Variants in PDE3A observed in about 807,000 individuals in gnomAD.
PDE3A encodes cGMP-inhibited 3',5'-cyclic phosphodiesterase 3A.
In PDE3A, 43 loss-of-function variants were observed where a neutral mutation model predicts 98.3. The ratio of observed to expected loss-of-function variants is 0.44; its 90% CI spans 0.34 to 0.56. PDE3A has a LOEUF of 0.56. Among genes scored for constraint, PDE3A ranks in the 20% least tolerant of loss-of-function variants. The pLI, the probability that PDE3A is intolerant of heterozygous loss-of-function variation, is 0.01. For missense variants in PDE3A, 1,427 were observed against 1,440.7 expected, an observed-to-expected ratio of 0.99 and a Z score of 0.15; for synonymous variants, 663 against 567.9, an observed-to-expected ratio of 1.17 and a Z score of -2.38.
intron 1 of PDE3A, among the ~76,000 whole-genome samples, chr12:20,513,287 A>C (rs1195282826): frequency 6.6e-6 from 1 of 152,194 alleles, no homozygotes; most frequent in Non-Finnish European, 1.5e-5. Context: ...GTACGTTAGA[A>C]ATATTTGTGG....
intron 1 of PDE3A, among the ~76,000 whole-genome samples, chr12:20,515,167 A>T (rs1200539753): frequency 6.6e-6 from 1 of 152,228 alleles, no homozygotes; most frequent in African/African-American, 2.4e-5. Context: ...TTAAATTTCA[A>T]CGTAAGTTTG....
chr12:20,652,184 T>C (rs924509427), intron 14 of PDE3A, among the ~76,000 whole-genome samples: 4 of 152,202 alleles, frequency 2.6e-5, no homozygotes, highest in Non-Finnish European at 5.9e-5. Context: ...GACATTTGGG[T>C]TGGTTCCAAG....
Position 20,485,057 on chromosome 12 carries a change from G to A in PDE3A, c.961-71603G>A, listed in dbSNP as rs988093604. 3.9e-5 allele frequency among the ~76,000 whole-genome samples: 6 copies of A among 152,224 alleles called. No individual in the cohort carries two copies. In the South Asian group the frequency reaches 1.0e-3, roughly 26 times the overall value. On this transcript the variant is annotated intron_variant, in intron 1 of 15. Transcript: ENST00000359062. ...ATTAGACAATGAAATGTCAATTTTT[G>A]TATTAGTTTCCTGGGGCTGTTGTCA... is the stretch of plus-strand genomic sequence containing the variant.
rs78749270 is a variant in PDE3A, at chr12:20,516,576, T to A, written c.961-40084T>A. On this transcript the variant is annotated intron_variant, in intron 1 of 15. Coordinates refer to ENST00000359062, the MANE Select transcript of PDE3A (RefSeq NM_000921.5). ...TTGTGCTGGATCATTTCTTTCAGGG[T>A]ATGGCATTCTCAAGTTATTTTCTAA... 3.3e-5 allele frequency among the ~76,000 whole-genome samples: 5 copies of A among 152,262 alleles called. No individual in the cohort carries two copies. The East Asian group carries it at 9.7e-4, about 29-fold the overall frequency.
chr12:20,625,502 C>T (rs4315134), intron 5 of PDE3A, among the ~76,000 whole-genome samples: 50,840 of 151,812 alleles, frequency 0.33, 8,587 homozygotes, highest in Admixed American at 0.39. Flanking sequence ...TGTGATTCTT[C>T]TTCTTTGGCA....
At chr12:20,454,761 A>G (rs1232528232) in intron 1 of PDE3A, among the ~76,000 whole-genome samples, 1 of 152,162 alleles carries the variant, frequency 6.6e-6, no homozygotes, top group Non-Finnish European at 1.5e-5. Context: ...TTTGCTAAGG[A>G]TAATGGCCAG....
At chr12:20,394,278 G>T (rs1390756470) in intron 1 of PDE3A, among the ~76,000 whole-genome samples, 1 of 152,030 alleles carries the variant, frequency 6.6e-6, no homozygotes, top group African/African-American at 2.4e-5. Context: ...AGAAAGTTAG[G>T]TTTCATTTTT....
chr12:20,498,346 G>A (rs1945961392), intron 1 of PDE3A, among the ~76,000 whole-genome samples: 1 of 151,868 alleles, frequency 6.6e-6, no homozygotes, highest in Non-Finnish European at 1.5e-5. Context: ...TACATCCATG[G>A]ATTCAACCAA....
intron 1 of PDE3A, among the ~76,000 whole-genome samples, chr12:20,414,504 A>G (rs150572935): frequency 6.6e-6 from 1 of 152,348 alleles, no homozygotes; most frequent in Non-Finnish European, 1.5e-5. Context: ...AATACAATTC[A>G]GCTTCCTATT....
chr12:20,590,950 C>A (rs559660435), intron 2 of PDE3A, among the ~76,000 whole-genome samples: 2 of 152,282 alleles, frequency 1.3e-5, no homozygotes, highest in East Asian at 3.9e-4. Flanking sequence ...AGCTCCCTGT[C>A]CACTTCGAAA....
chr12:20,449,074 T>C (rs11045252), intron 1 of PDE3A, among the ~76,000 whole-genome samples: 42,633 of 152,090 alleles, frequency 0.28, 7,330 homozygotes, highest in East Asian at 0.66. Flanking sequence ...AGCAATGCCG[T>C]AGCTAAAAAA....
At chr12:20,596,977 T>C (rs1294272797) in intron 2 of PDE3A, among the ~76,000 whole-genome samples, 1 of 152,162 alleles carries the variant, frequency 6.6e-6, no homozygotes, top group Non-Finnish European at 1.5e-5. Flanking sequence ...GCATTGTGAA[T>C]AGCGTAGGGC....
chr12:20,492,771 C>T (rs528386306), intron 1 of PDE3A, among the ~76,000 whole-genome samples: 13 of 152,222 alleles, frequency 8.5e-5, no homozygotes, highest in African/African-American at 3.1e-4. Context: ...TCCACACTCA[C>T]TGATGGTTAC....
chr12:20,587,096 G>A (rs979608231), intron 2 of PDE3A, among the ~76,000 whole-genome samples: 10 of 152,120 alleles, frequency 6.6e-5, no homozygotes, highest in South Asian at 2.1e-4. Context: ...TCTGCTGGGC[G>A]CAGTGGCTCA....
intron 1 of PDE3A, among the ~76,000 whole-genome samples, chr12:20,507,385 G>A (rs939660807): frequency 2.0e-5 from 3 of 151,980 alleles, no homozygotes; most frequent in Non-Finnish European, 2.9e-5. Flanking sequence ...AAATGACAAG[G>A]TATTTGAAAG....
chr12:20,566,821 A>G (rs948173246), intron 2 of PDE3A, among the ~76,000 whole-genome samples: 2 of 151,888 alleles, frequency 1.3e-5, no homozygotes, highest in Admixed American at 1.3e-4. Flanking sequence ...TGTTAGTGGG[A>G]ATGAATGATG....
chr12:20,570,597 A>T (rs1592067576), intron 2 of PDE3A, among the ~76,000 whole-genome samples: 1 of 152,124 alleles, frequency 6.6e-6, no homozygotes, highest in Admixed American at 6.6e-5. Context: ...GGTTTTCCTA[A>T]ATATGAAATA....
At chr12:20,524,322 T>C (rs1946478945) in intron 1 of PDE3A, among the ~76,000 whole-genome samples, 1 of 152,198 alleles carries the variant, frequency 6.6e-6, no homozygotes. Flanking sequence ...TCCCATTTCC[T>C]CGTTTTTGAA....
At chr12:20,377,038 CA>C (rs1446787171) in intron 1 of PDE3A, among the ~76,000 whole-genome samples, 7 of 150,598 alleles carry the variant, frequency 4.6e-5, no homozygotes, top group Non-Finnish European at 8.9e-5. Context: ...TGACTGGTTA[CA>C]GGGGGCACAT....
Sources: gnomAD v4.1 joint callset for allele counts (sites outside exome capture counted in the v4.1 genomes callset) on GRCh38, gnomAD v4.1.1 for gene constraint, MANE v1.5 for transcripts, NCBI Gene and HGNC (gene_info 2026-07-23, HGNC 2026-07-21) for gene names.